FN3KRP: variants seen among roughly 807,000 people sequenced by gnomAD.
FN3KRP encodes the protein fructosamine 3 kinase related protein, also known as ketosamine-3-kinase.
In FN3KRP, 33 loss-of-function variants were observed where a neutral mutation model predicts 29.8. The observed-to-expected ratio is 1.11, with a 90% confidence interval of 0.84 to 1.48. The LOEUF is 1.48. FN3KRP is among the 40% of genes most tolerant of loss of function. FN3KRP has a pLI of 0.00. For synonymous variants in FN3KRP, 157 were observed against 155.2 expected (o/e 1.01, Z -0.09); for missense variants, 430 against 402.6 (o/e 1.07, Z -0.58).
intron 3 of FN3KRP, among the ~76,000 whole-genome samples, chr17:82,721,649 C>A (rs1214983473): frequency 6.7e-6 from 1 of 148,996 alleles, no homozygotes; most frequent in Non-Finnish European, 1.5e-5. Flanking sequence ...ACTACAGGCG[C>A]CTGCCACCAC....
chr17:82,724,586 A>C (rs925431825), intron 4 of FN3KRP, among the ~76,000 whole-genome samples: 6 of 150,542 alleles, frequency 4.0e-5, no homozygotes, highest in African/African-American at 1.5e-4. Context: ...CCTGGGTGAC[A>C]AGAGTGAAAC....
At chr17:82,718,624 C>A in intron 1 of FN3KRP, 1 of 1,179,460 alleles carries the variant, frequency 8.5e-7, no homozygotes, top group African/African-American at 1.6e-5. Context: ...AATATTAGTG[C>A]CTTCGATTTT....
At chr17:82,725,259 G>A (rs532470964) in intron 4 of FN3KRP, among the ~76,000 whole-genome samples, 90 of 152,074 alleles carry the variant, frequency 5.9e-4, no homozygotes, top group African/African-American at 1.9e-3. Flanking sequence ...CTCCCATGTA[G>A]CTGGGACTAC....
chr17:82,719,920 T>C (rs2046786478), intron 2 of FN3KRP, among the ~76,000 whole-genome samples: 1 of 152,232 alleles, frequency 6.6e-6, no homozygotes, highest in Non-Finnish European at 1.5e-5. Context: ...ATCCCGGCAC[T>C]TTGGGAGGCC....
At position 82,718,965 on chromosome 17, in the gene FN3KRP, G is replaced by A. The variant is rs1172591689; in HGVS notation, c.201G>A (p.Thr67=). The part of the protein sequence containing the change: ...ASLTAILKTN[T]VKVPKPIKVL... Reference sequence around the variant, plus strand: ...TAACTGCCATCCTGAAAACAAACACGGTGAAAGTGCCCAAGCCCATCAAGG... The same window carrying A: ...TAACTGCCATCCTGAAAACAAACACAGTGAAAGTGCCCAAGCCCATCAAGG... Residue 67 remains threonine, a synonymous_variant, in exon 2 of 6, where the codon ACG becomes ACA. Transcript: ENST00000269373. 9.3e-6 allele frequency: 15 copies of A among 1,614,056 alleles called. No homozygotes were observed. The highest frequency in any genetic ancestry group is 1.7e-5 in the Admixed American group (1 of 59,998).
At chr17:82,720,216 G>T in intron 2 of FN3KRP, 56 bp from the exon 3 acceptor site, 1 of 1,392,730 alleles carries the variant, frequency 7.2e-7, no homozygotes, top group South Asian at 1.2e-5. Context: ...ACTGAGCAGT[G>T]GGTGTGTTGC....
intron 1 of FN3KRP, chr17:82,718,314 T>G: frequency 2.1e-6 from 1 of 487,310 alleles, no homozygotes; most frequent in Non-Finnish European, 2.3e-6. Context: ...ATCACTGCTG[T>G]GTGGTGAGCC....
At chr17:82,723,045 C>G (rs1450188956) in intron 4 of FN3KRP, among the ~76,000 whole-genome samples, 159 bp downstream of exon 4, 1 of 152,192 alleles carries the variant, frequency 6.6e-6, no homozygotes, top group Non-Finnish European at 1.5e-5. Context: ...AAGATTGACC[C>G]ACCTAATATG....
At position 82,726,554 on chromosome 17, in the gene FN3KRP, G is replaced by A. The variant is rs1315619428; in HGVS notation, c.543G>A (p.Glu181=). 1 of 1,614,168 alleles carries A rather than the reference G, an allele frequency of 6.2e-7. No homozygotes were observed. Among genetic ancestry groups the A allele is most frequent in the Non-Finnish European group, 8.5e-7 (1 of 1,180,018 alleles). Residue 181 remains glutamate, a synonymous_variant, in exon 5 of 6, where the codon GAG becomes GAA. Coordinates refer to ENST00000269373, the MANE Select transcript of FN3KRP (RefSeq NM_024619.4). ...TTCAGCCCCAGATGGACATGGTGGA[G>A]AAGGAGTCTGGGGACAGGGAGGCCC... is the stretch of plus-strand genomic sequence containing the variant. The part of the protein sequence containing the change: ...QRIQPQMDMV[E]KESGDREALQ...
intron 2 of FN3KRP, 40 bp downstream of exon 2, chr17:82,719,097 GAGC>G: frequency 1.3e-6 from 2 of 1,528,114 alleles, no homozygotes; most frequent in Non-Finnish European, 8.9e-7. Context: ...TTTATTACCT[GAGC>G]AGGTGTGTCT....
rs2046841390 is a variant in FN3KRP, at chr17:82,726,835, A to G, written c.594A>G (p.Leu198=). The G allele has an allele frequency of 6.5e-7, 1 of 1,527,090 alleles. No homozygotes were observed. 94.6% of individuals were successfully genotyped at this position (1,527,090 alleles called of 1,614,324 possible). The stretch of plus-strand genomic sequence containing the variant: ...AGGCTCCATTTTCCTCCCTGCAGTT[A>G]AAGATCCCTGACCTGTTCCGTGACC... ...EALQLWSALQ[L]KIPDLFRDLE... Residue 198 remains leucine, a splice_region_variant and synonymous_variant, in exon 6 of 6, where the codon TTA becomes TTG. Transcript: ENST00000269373.
intron 1 of FN3KRP, among the ~76,000 whole-genome samples, chr17:82,717,575 T>C (rs1444085220): frequency 6.6e-6 from 1 of 151,820 alleles, no homozygotes; most frequent in Non-Finnish European, 1.5e-5. Context: ...AAAAATTAGC[T>C]GGGCGTGGTG....
chr17:82,724,221 G>A (rs2046821260), intron 4 of FN3KRP, among the ~76,000 whole-genome samples: 1 of 152,138 alleles, frequency 6.6e-6, no homozygotes, highest in African/African-American at 2.4e-5. Context: ...TTAAGCCTGG[G>A]AATTGAAGGC....
intron 1 of FN3KRP, 71 bp downstream of exon 1, chr17:82,716,967 G>T: frequency 7.0e-7 from 1 of 1,430,422 alleles, no homozygotes; most frequent in South Asian, 1.3e-5. Flanking sequence ...TCGGCGCGGG[G>T]CGCGGCCTGG....
rs953911562 is a variant in FN3KRP, at chr17:82,716,770, G to C, written c.15G>C (p.Leu5=). 1 of 1,527,784 alleles carries C rather than the reference G, an allele frequency of 6.5e-7. No individual in the cohort carries two copies. Among genetic ancestry groups the C allele is most frequent in the African/African-American group, 1.4e-5 (1 of 69,238 alleles). The allele number at this position is 1,527,784 out of a possible 1,614,324, so 94.6% of individuals were successfully genotyped here. A position where few individuals can be genotyped will look rare whatever the true frequency, so the allele number is the denominator to read the frequency against. Residue 5 remains leucine, a synonymous_variant, in exon 1 of 6, where the codon CTG becomes CTC. Coordinates refer to ENST00000269373, the MANE Select transcript of FN3KRP (RefSeq NM_024619.4). MEEL[L]RRELGCSSVR... ...GCGGCGGGAACATGGAGGAGCTCCTGAGGCGCGAGCTGGGCTGCAGCTCTG... is the reference window on the plus strand; with the variant it reads ...GCGGCGGGAACATGGAGGAGCTCCTCAGGCGCGAGCTGGGCTGCAGCTCTG...
At chr17:82,722,575 C>T (rs550905313) in intron 3 of FN3KRP, 21 of 506,376 alleles carry the variant, frequency 4.1e-5, no homozygotes, top group South Asian at 2.9e-4. Flanking sequence ...TTGATGCTGA[C>T]GTCTGCTGGA....
At chr17:82,726,339 CCCCCTCAGGCTCCTGTGACTGCCA>C in intron 4 of FN3KRP, 117 bp from the exon 5 acceptor site, 1 of 986,268 alleles carries the variant, frequency 1.0e-6, no homozygotes, top group Non-Finnish European at 1.5e-6. Context: ...GATGTGGTTC[CCCCCTCAGGCTCCTGTGACTGCCA>C]CCCCTCCCAC....
chr17:82,726,577 C>T lies in FN3KRP; in HGVS notation c.566C>T (p.Ala189Val), dbSNP rs764913798. The T allele has an allele frequency of 2.0e-5, 32 of 1,613,710 alleles. No homozygotes were observed. The highest frequency in any genetic ancestry group is 2.4e-5 in the Non-Finnish European group (28 of 1,179,872). ...MVEKESGDRE[A>V]LQLWSALQLK... Reference sequence around the variant, plus strand: ...GAGAAGGAGTCTGGGGACAGGGAGGCCCTCCAGCTTTGGTCTGCTCTGCAG... The same window carrying T: ...GAGAAGGAGTCTGGGGACAGGGAGGTCCTCCAGCTTTGGTCTGCTCTGCAG... Residue 189 changes from alanine to valine, a missense_variant, in exon 5 of 6, where the codon GCC (alanine) becomes GTC (valine). Transcript: ENST00000269373.
chr17:82,727,336 C>A lies in FN3KRP; in HGVS notation c.*165C>A. On this transcript the variant is annotated 3_prime_UTR_variant, in exon 6 of 6. Coordinates refer to ENST00000269373, the MANE Select transcript of FN3KRP (RefSeq NM_024619.4). ...AAGAGGAAAGGTTTTGTCATCCCAGCGTTGTCCACTTTGTGGGGCTTTGTA... is the reference window on the plus strand; with the variant it reads ...AAGAGGAAAGGTTTTGTCATCCCAGAGTTGTCCACTTTGTGGGGCTTTGTA... The A allele has an allele frequency of 7.7e-6, 5 of 651,692 alleles. No homozygotes were observed. Among genetic ancestry groups the A allele is most frequent in the Non-Finnish European group, 1.3e-5 (5 of 391,566 alleles). The allele number at this position is 651,692 out of a possible 1,614,324, so 40.4% of individuals were successfully genotyped here. A position where few individuals can be genotyped will look rare whatever the true frequency, so the allele number is the denominator to read the frequency against.
Sources: gnomAD v4.1 joint callset for allele counts (sites outside exome capture counted in the v4.1 genomes callset) on GRCh38, gnomAD v4.1.1 for gene constraint, MANE v1.5 for transcripts, NCBI Gene and HGNC (gene_info 2026-07-23, HGNC 2026-07-21) for gene names.